The following RALYL variants were observed in gnomAD, a reference collection of about 807,000 sequenced individuals.
RALYL encodes the protein RALY RNA binding protein like, also known as RNA-binding Raly-like protein.
In RALYL, 29 loss-of-function variants were observed where a neutral mutation model predicts 35.1. The ratio of observed to expected loss-of-function variants is 0.83; its 90% confidence interval spans 0.61 to 1.13. The LOEUF is 1.13. RALYL is among the 50% of genes most tolerant of loss of function. The pLI, the probability that RALYL is intolerant of heterozygous loss-of-function variation, is 0.00. For missense variants in RALYL, 359 were observed against 360.4 expected (o/e 1.00, Z 0.03); for synonymous variants, 120 against 127.6 (o/e 0.94, Z 0.40).
chr8:84,225,301 T>C (rs1376847662), intron 1 of RALYL, among the ~76,000 whole-genome samples: 1 of 152,220 alleles, frequency 6.6e-6, no homozygotes, highest in Admixed American at 6.5e-5. Context: ...TGGACTTTCA[T>C]GTTTACAAGC....
intron 1 of RALYL, among the ~76,000 whole-genome samples, chr8:84,427,543 T>A (rs1464881196): frequency 1.3e-5 from 2 of 151,582 alleles, no homozygotes; most frequent in African/African-American, 4.8e-5. Flanking sequence ...TGTATGCATT[T>A]AAAAAAAAAC....
chr8:84,307,286 A>G (rs1451650941), intron 1 of RALYL, among the ~76,000 whole-genome samples: 1 of 152,140 alleles, frequency 6.6e-6, no homozygotes, highest in Non-Finnish European at 1.5e-5. Flanking sequence ...TCATAGCATA[A>G]TCAATCTCAA....
chr8:84,624,673 T>C (rs1439469250), intron 2 of RALYL, among the ~76,000 whole-genome samples: 2 of 152,200 alleles, frequency 1.3e-5, no homozygotes, highest in African/African-American at 4.8e-5. Context: ...GATTACATAT[T>C]CACAGTCTAC....
chr8:84,514,765 C>T (rs967153544), intron 1 of RALYL, among the ~76,000 whole-genome samples: 6 of 152,046 alleles, frequency 3.9e-5, no homozygotes, highest in East Asian at 3.9e-4. Context: ...GCCCTTAGCC[C>T]GAATTGTGAG....
intron 2 of RALYL, among the ~76,000 whole-genome samples, chr8:84,698,835 G>A (rs1839652789): frequency 6.6e-6 from 1 of 152,108 alleles, no homozygotes; most frequent in Non-Finnish European, 1.5e-5. Context: ...CGTGCCACGT[G>A]CCACTTGCTG....
intron 1 of RALYL, among the ~76,000 whole-genome samples, chr8:84,414,552 A>G (rs2044430199): frequency 6.6e-6 from 1 of 152,208 alleles, no homozygotes; most frequent in Non-Finnish European, 1.5e-5. Context: ...GATTACTTCT[A>G]AGATAAATGA....
In RALYL at chr8:84,772,697, A is replaced by T. The variant is rs546019711; in HGVS notation, c.257-1882A>T. On this transcript the variant is annotated intron_variant, in intron 2 of 8. Transcript: ENST00000521268. ...GCTTTGCATTCAATAAACTTATTAAACTCTCTTATTAATTGTAATAATCTG... is the reference window on the plus strand; with the variant it reads ...GCTTTGCATTCAATAAACTTATTAATCTCTCTTATTAATTGTAATAATCTG... Among the ~76,000 whole-genome samples the T allele has an allele frequency of 5.3e-5, 8 of 152,048 alleles. No individual in the cohort carries two copies. The East Asian group carries it at 1.5e-3, about 29-fold the overall frequency.
At chr8:84,238,926 C>T (rs993681624) in intron 1 of RALYL, among the ~76,000 whole-genome samples, 8 of 152,238 alleles carry the variant, frequency 5.3e-5, no homozygotes, top group East Asian at 3.9e-4. Flanking sequence ...TTTCTTGTTA[C>T]GAGTTTACAA....
chr8:84,624,054 G>C (rs1822171182), intron 2 of RALYL, among the ~76,000 whole-genome samples: 1 of 152,156 alleles, frequency 6.6e-6, no homozygotes. Flanking sequence ...TTGGGTTATT[G>C]TTAGTCTTTA....
intron 2 of RALYL, chr8:84,679,854 T>A: frequency 2.7e-6 from 1 of 370,996 alleles, no homozygotes; most frequent in Non-Finnish European, 5.2e-6. Flanking sequence ...TTTTTTTTCT[T>A]TTTTTTAAAA....
At chr8:84,293,935 T>G (rs1839271350) in intron 1 of RALYL, among the ~76,000 whole-genome samples, 1 of 152,092 alleles carries the variant, frequency 6.6e-6, no homozygotes, top group African/African-American at 2.4e-5. Context: ...AGCAGTCCTT[T>G]TACTTGTGAT....
chr8:84,605,057 T>C (rs898537402), intron 2 of RALYL, among the ~76,000 whole-genome samples: 1 of 152,120 alleles, frequency 6.6e-6, no homozygotes, highest in African/African-American at 2.4e-5. Context: ...GATGAATTTT[T>C]ATTATAAAGT....
chr8:84,278,467 C>T (rs574069260), intron 1 of RALYL, among the ~76,000 whole-genome samples: 14 of 152,182 alleles, frequency 9.2e-5, no homozygotes, highest in Admixed American at 5.9e-4. Flanking sequence ...TTTGGTTCCT[C>T]GTTAATTATG....
chr8:84,818,109 T>TA (rs1827768853), intron 4 of RALYL, among the ~76,000 whole-genome samples: 1 of 151,934 alleles, frequency 6.6e-6, no homozygotes, highest in African/African-American at 2.4e-5. Context: ...ACTGCCTTAC[T>TA]AGGGAAGATC....
At chr8:84,405,193 T>C (rs1056283274) in intron 1 of RALYL, among the ~76,000 whole-genome samples, 10 of 152,152 alleles carry the variant, frequency 6.6e-5, no homozygotes, top group African/African-American at 2.4e-4. Context: ...CATACCAGTA[T>C]CTCTGGAACA....
In RALYL at chr8:84,920,876, T is replaced by G. The variant is rs556888806; in HGVS notation, c.859-18T>G. On this transcript the variant is annotated intron_variant, in intron 8 of 8. Coordinates refer to ENST00000521268, the MANE Select transcript of RALYL (RefSeq NM_173848.7). ...AACACAAATCTCTGTATTTTAAAAT[T>G]TTTTTTTATTTTCTCAGTTTCTACA... 9 of 1,289,956 alleles carry G rather than the reference T, an allele frequency of 7.0e-6. No individual in the cohort carries two copies. Among genetic ancestry groups the G allele is most frequent in the Non-Finnish European group, 9.5e-6 (9 of 951,182 alleles). The allele number at this position is 1,289,956 out of a possible 1,614,324, so 79.9% of individuals were successfully genotyped here. A position where few individuals can be genotyped will look rare whatever the true frequency, so the allele number is the denominator to read the frequency against.
At chr8:84,722,614 A>ATT (rs1491315137) in intron 2 of RALYL, among the ~76,000 whole-genome samples, 1 of 69,602 alleles carries the variant, frequency 1.4e-5, no homozygotes, top group East Asian at 3.3e-4. Flanking sequence ...TCCTAGAGTG[A>ATT]TTTTATATAT....
At chr8:84,757,451 A>G (rs909695969) in intron 2 of RALYL, among the ~76,000 whole-genome samples, 4 of 152,178 alleles carry the variant, frequency 2.6e-5, no homozygotes, top group African/African-American at 9.7e-5. Context: ...TGCAGTTTGT[A>G]TATCTCTTAT....
chr8:84,394,787 C>T (rs1861433193), intron 1 of RALYL, among the ~76,000 whole-genome samples: 1 of 151,730 alleles, frequency 6.6e-6, no homozygotes, highest in Admixed American at 6.6e-5. Context: ...AGGTTTTTTA[C>T]AAAAATGATA....
Sources: allele counts gnomAD v4.1 joint callset (sites outside exome capture counted in the v4.1 genomes callset), GRCh38; gene constraint gnomAD v4.1.1; transcripts MANE v1.5; gene names NCBI Gene and HGNC (gene_info 2026-07-23, HGNC 2026-07-21).